Variants in NTRK3 observed in about 807,000 individuals in gnomAD.
NTRK3 encodes the protein neurotrophic receptor tyrosine kinase 3.
In NTRK3, 24 loss-of-function variants were observed where a neutral mutation model predicts 91.7. The ratio of observed to expected loss-of-function variants is 0.26; its 90% CI spans 0.19 to 0.37. NTRK3 has a LOEUF of 0.37. Ranked by LOEUF, NTRK3 falls within the 10% of genes least tolerant of loss-of-function variation. The probability of loss-of-function intolerance (pLI) is 1.00; values close to 1 mark genes in which losing one functional copy is unlikely to be tolerated. For missense variants in NTRK3, 880 were observed against 1,068.9 expected (o/e 0.82, Z 2.46); for synonymous variants, 483 against 404.0 (o/e 1.20, Z -2.34).
At chr15:88,016,087 C>G (rs142240735) in intron 14 of NTRK3, among the ~76,000 whole-genome samples, 2 of 152,108 alleles carry the variant, frequency 1.3e-5, no homozygotes, top group Non-Finnish European at 2.9e-5. Context: ...GCATATAAGG[C>G]AAAATGTCAT....
intron 14 of NTRK3, among the ~76,000 whole-genome samples, chr15:87,943,328 G>A (rs192193109): frequency 1.8e-4 from 28 of 152,190 alleles, no homozygotes; most frequent in Admixed American, 5.2e-4. Flanking sequence ...AGAAGCCCAG[G>A]AGAAGGTGAG....
chr15:88,053,445 A>G (rs1174872303), intron 13 of NTRK3, among the ~76,000 whole-genome samples: 1 of 152,212 alleles, frequency 6.6e-6, no homozygotes, highest in Non-Finnish European at 1.5e-5. Flanking sequence ...TGTCAAGAAC[A>G]GTCCTTGAAA....
intron 14 of NTRK3, among the ~76,000 whole-genome samples, chr15:88,013,424 G>A (rs1387660200): frequency 6.6e-6 from 1 of 152,220 alleles, no homozygotes; most frequent in Non-Finnish European, 1.5e-5. Context: ...ACTTGGTGAT[G>A]CTCTATCAAC....
At chr15:88,218,397 TCCAGCACAGCTTACTGTGAC>T (rs1335015732) in intron 3 of NTRK3, among the ~76,000 whole-genome samples, 4 of 152,214 alleles carry the variant, frequency 2.6e-5, no homozygotes, top group African/African-American at 7.2e-5. Context: ...AGCTCTGTGA[TCCAGCACAGCTTACTGTGAC>T]CCAGCACAGC....
chr15:88,033,045 C>T (rs1294921229), exon 14 of NTRK3: 1 of 1,574,280 alleles, frequency 6.4e-7, no homozygotes, highest in Non-Finnish European at 8.6e-7. Flanking sequence ...AGCCACGGGA[C>T]CTGCACACAC....
chr15:88,137,395 C>T lies in NTRK3; in HGVS notation c.622+9G>A, dbSNP rs1251724521. On this transcript the variant is annotated intron_variant, in intron 7 of 18. Coordinates refer to ENST00000394480, the Ensembl canonical transcript of NTRK3. Reference sequence around the variant, plus strand: ...TGGAGCCAGCTGGGCCAGGCGGCCACTCACTCACCACACTGACTGATGTTC... The same window carrying T: ...TGGAGCCAGCTGGGCCAGGCGGCCATTCACTCACCACACTGACTGATGTTC... 6.2e-7 allele frequency: 1 copy of T among 1,613,318 alleles called. No homozygotes were observed. The highest frequency in any genetic ancestry group is 1.7e-5 in the Admixed American group (1 of 60,020).
chr15:88,216,958 G>C (rs1299411072), intron 3 of NTRK3, among the ~76,000 whole-genome samples: 2 of 152,156 alleles, frequency 1.3e-5, no homozygotes, highest in Non-Finnish European at 2.9e-5. Context: ...TCAGTGGTTT[G>C]AAGTTTGACA....
chr15:88,159,592 A>G lies in NTRK3; in HGVS notation c.396-12189T>C, dbSNP rs571302346. On this transcript the variant is annotated intron_variant, in intron 5 of 18. Coordinates refer to ENST00000394480, the Ensembl canonical transcript of NTRK3. ...GGGCAAGTTGACTTTGGCTCCAATCAAATCCCTCTGCCCTAAAGAAGTAGA... is the reference window on the plus strand; with the variant it reads ...GGGCAAGTTGACTTTGGCTCCAATCGAATCCCTCTGCCCTAAAGAAGTAGA... 3.3e-5 allele frequency among the ~76,000 whole-genome samples: 5 copies of G among 152,346 alleles called. No individual in the cohort carries two copies. In the South Asian group the frequency reaches 1.0e-3, roughly 32 times the overall value.
chr15:87,916,559 A>T (rs1354444193), intron 17 of NTRK3: 1 of 702,246 alleles, frequency 1.4e-6, no homozygotes, highest in Admixed American at 2.0e-5. Flanking sequence ...TGCCTGCACA[A>T]CCTTCAATGA....
At chr15:88,033,165 T>C (rs1404442046) in intron 13 of NTRK3, 120 bp from the exon 14 acceptor site, 2 of 471,814 alleles carry the variant, frequency 4.2e-6, no homozygotes, top group Non-Finnish European at 7.5e-6. Context: ...TTTTTACTTT[T>C]GGGGGGTGTG....
At chr15:88,063,819 C>T (rs2046419146) in intron 13 of NTRK3, among the ~76,000 whole-genome samples, 1 of 152,122 alleles carries the variant, frequency 6.6e-6, no homozygotes, top group African/African-American at 2.4e-5. Flanking sequence ...CATGAAAGGC[C>T]AAATAACCTG....
chr15:88,095,568 G>T (rs1328662272), intron 13 of NTRK3, among the ~76,000 whole-genome samples: 1 of 152,134 alleles, frequency 6.6e-6, no homozygotes, highest in Admixed American at 6.5e-5. Context: ...ACAATTAACT[G>T]CAGGTCAACA....
At chr15:88,256,340 A>ACGCCGCCGCCGCCGC (rs542135987) in exon 2 of NTRK3, 1 of 637,992 alleles carries the variant, frequency 1.6e-6, no homozygotes, top group Non-Finnish European at 2.8e-6. Flanking sequence ...ACCATCGCGG[A>ACGCCGCCGCCGCCGC]CGCCGCCGCC....
chr15:87,894,454 G>A (rs545712920), intron 17 of NTRK3, among the ~76,000 whole-genome samples: 2 of 152,182 alleles, frequency 1.3e-5, no homozygotes, highest in African/African-American at 4.8e-5. Flanking sequence ...TGTGCATCGT[G>A]TGTACAGTCA....
intron 14 of NTRK3, among the ~76,000 whole-genome samples, chr15:87,941,466 T>TAC (rs1319330237): frequency 7.5e-6 from 1 of 133,560 alleles, no homozygotes. Flanking sequence ...CACACACACA[T>TAC]ACACATACAC....
chr15:88,210,197 A>G (rs771700879), intron 3 of NTRK3: 1 of 152,218 alleles, frequency 6.6e-6, no homozygotes, highest in Non-Finnish European at 1.5e-5. Flanking sequence ...GCCCACACCT[A>G]GGAAGAAATG....
At chr15:88,004,548 G>C (rs375231944) in intron 14 of NTRK3, among the ~76,000 whole-genome samples, 1 of 152,146 alleles carries the variant, frequency 6.6e-6, no homozygotes, top group Admixed American at 6.5e-5. Flanking sequence ...ATGTTGCCAA[G>C]CATCATCAAA....
intron 11 of NTRK3, among the ~76,000 whole-genome samples, chr15:88,127,734 C>G (rs1490453380): frequency 6.6e-6 from 1 of 152,172 alleles, no homozygotes; most frequent in Non-Finnish European, 1.5e-5. Context: ...GCCTGGGGAT[C>G]CATCAATCAG....
chr15:88,018,521 A>G (rs537289666), intron 14 of NTRK3, among the ~76,000 whole-genome samples: 1 of 152,306 alleles, frequency 6.6e-6, no homozygotes, highest in African/African-American at 2.4e-5. Flanking sequence ...CTTCCCTAGG[A>G]AATGCCTAAT....
Sources: gnomAD v4.1 joint callset for allele counts (sites outside exome capture counted in the v4.1 genomes callset) on GRCh38, gnomAD v4.1.1 for gene constraint, MANE v1.5 for transcripts, NCBI Gene and HGNC (gene_info 2026-07-23, HGNC 2026-07-21) for gene names.